RGN: variants seen among roughly 807,000 people sequenced by gnomAD.
RGN encodes epididymis secretory protein Li 41.
A neutral mutation model predicts 20.6 loss-of-function variants in RGN; 19 were observed. The observed-to-expected ratio is 0.92, with a 90% CI of 0.64 to 1.35. RGN has a LOEUF of 1.35. RGN is among the 40% of genes most tolerant of loss of function. RGN has a pLI of 0.00. For missense variants in RGN, 302 were observed against 232.7 expected (o/e 1.30, Z -1.94); for synonymous variants, 85 against 87.2 (o/e 0.97, Z 0.14).
At chrX:47,091,574 A>G in intron 5 of RGN, 104 bp from the exon 6 acceptor site, 1 of 890,619 alleles carries the variant, frequency 1.1e-6, no homozygotes, top group Non-Finnish European at 1.6e-6. Context: ...AGCTGAAGTG[A>G]TCTGTATTTA....
At chrX:47,082,250 G>A (rs1388602620) in intron 3 of RGN, among the ~76,000 whole-genome samples, 1 of 108,144 alleles carries the variant, frequency 9.2e-6, no homozygotes. Flanking sequence ...AAAAATATCA[G>A]GAATTCCTAT....
In RGN at chrX:47,091,740, G is replaced by C. The variant is rs1556387932; in HGVS notation, c.625G>C (p.Asp209His). ...EEQIPDGMCI[D>H]AEGKLWVACY... ...ACAAATCCCAGATGGAATGTGTATT[G>C]ATGCTGAGGGGAAGCTCTGGGTGGC... The change falls in exon 6 of 8, where the codon GAT (aspartate) becomes CAT (histidine). Residue 209 changes from aspartate to histidine, a missense_variant. By Grantham distance (81) the Asp-to-His change is moderately conservative. Transcript: ENST00000397180. 12 of 1,210,163 alleles carry C rather than the reference G, an allele frequency of 9.9e-6. No individual in the cohort carries two copies. The highest frequency in any genetic ancestry group is 1.3e-5 in the Non-Finnish European group (12 of 894,264).
In RGN at chrX:47,086,641, C is replaced by T. The variant is rs1247046124; in HGVS notation, c.346+2041C>T. ...AAAGATCCACTTCCAAGCTCATTCACATAGGGGTTGGCAGGAGGCTTCAGT... is the reference window on the plus strand; with the variant it reads ...AAAGATCCACTTCCAAGCTCATTCATATAGGGGTTGGCAGGAGGCTTCAGT... On this transcript the variant is annotated intron_variant, in intron 4 of 7. Coordinates refer to ENST00000397180, the MANE Select transcript of RGN (RefSeq NM_152869.4). Among the ~76,000 whole-genome samples, 6 of 107,685 alleles carry T rather than the reference C, an allele frequency of 5.6e-5. No homozygotes were observed. In the East Asian group the frequency reaches 1.8e-3, roughly 32 times the overall value. 93.5% of individuals were successfully genotyped at this position (107,685 alleles called of 115,157 possible). A position where few individuals can be genotyped will look rare whatever the true frequency, so the allele number is the denominator to read the frequency against.
chrX:47,089,598 TACAC>T (rs200155890), intron 4 of RGN, among the ~76,000 whole-genome samples, 174 bp from the exon 5 acceptor site: 2,029 of 69,939 alleles, frequency 0.029, 116 homozygotes, highest in African/African-American at 0.11. Context: ...TATATATATA[TACAC>T]ACACACACAC....
intron 4 of RGN, among the ~76,000 whole-genome samples, chrX:47,089,255 G>T (rs1384960918): frequency 1.3e-5 from 1 of 75,461 alleles, no homozygotes. Context: ...GAGAAAATGA[G>T]GTTCGTGCAT....
At chrX:47,091,289 G>A (rs1358009926) in intron 5 of RGN, among the ~76,000 whole-genome samples, 1 of 111,408 alleles carries the variant, frequency 9.0e-6, no homozygotes, top group African/African-American at 3.3e-5. Flanking sequence ...TGTTCACGTG[G>A]TACCATTAAG....
rs1424572834 is a variant in RGN, at chrX:47,090,063, T to C, written c.562+72T>C. 18 of 733,335 alleles carry C rather than the reference T, an allele frequency of 2.5e-5. 1 individual carries two copies. Among genetic ancestry groups the C allele is most frequent in the Non-Finnish European group, 2.2e-5 (11 of 499,063 alleles). The allele number at this position is 733,335 out of a possible 1,213,427, so 60.4% of individuals were successfully genotyped here. ...ATATGTTTGTGACTAGTAAGGCGCCTCTCCCTCGCCTCATGTGAAGAAGTC... is the reference window on the plus strand; with the variant it reads ...ATATGTTTGTGACTAGTAAGGCGCCCCTCCCTCGCCTCATGTGAAGAAGTC... On this transcript the variant is annotated intron_variant, in intron 5 of 7. Coordinates refer to ENST00000397180, the MANE Select transcript of RGN (RefSeq NM_152869.4).
At chrX:47,085,970 G>A (rs1402670721) in intron 4 of RGN, among the ~76,000 whole-genome samples, 1 of 112,351 alleles carries the variant, frequency 8.9e-6, no homozygotes, top group African/African-American at 3.2e-5. Context: ...TCCCAGTTTT[G>A]TCAATTGTAC....
chrX:47,089,520 T>C (rs1930805812), intron 4 of RGN, among the ~76,000 whole-genome samples: 1 of 37,633 alleles, frequency 2.7e-5, no homozygotes. Flanking sequence ...TATATACATA[T>C]TATATATACT....
At chrX:47,083,987 G>GTAAA (rs1930469856) in intron 3 of RGN, among the ~76,000 whole-genome samples, 1 of 110,533 alleles carries the variant, frequency 9.0e-6, no homozygotes, top group Non-Finnish European at 1.9e-5. Flanking sequence ...CCTAGTTGCT[G>GTAAA]TAAATAAACT....
intron 3 of RGN, 83 bp downstream of exon 3, chrX:47,081,390 G>A: frequency 1.1e-6 from 1 of 873,889 alleles, no homozygotes; most frequent in South Asian, 2.3e-5. Flanking sequence ...TCTTGTTAAA[G>A]CACACTGACT....
chrX:47,090,919 AG>A (rs1930939574), intron 5 of RGN, among the ~76,000 whole-genome samples: 1 of 9,873 alleles, frequency 1.0e-4, no homozygotes, highest in African/African-American at 3.2e-4. Flanking sequence ...GAAGAAGGAA[AG>A]AAAGAAAGAA....
Position 47,092,958 on chromosome X carries a change from T to C in RGN, c.*11T>C. ...TCCTATGCGGGATGAGGACAGGTCT[T>C]CTTTCCTGCCAGAGGGAGCTCTGAA... On this transcript the variant is annotated 3_prime_UTR_variant, in exon 8 of 8. Transcript: ENST00000397180. 1 of 1,184,252 alleles carries C rather than the reference T, an allele frequency of 8.4e-7. No individual in the cohort carries two copies. The highest frequency in any genetic ancestry group is 1.1e-6 in the Non-Finnish European group (1 of 872,627).
chrX:47,089,274 CT>C, intron 4 of RGN, among the ~76,000 whole-genome samples: 1 of 93,535 alleles, frequency 1.1e-5, no homozygotes, highest in East Asian at 3.3e-4. Flanking sequence ...ATGTTTACTC[CT>C]TCTTATCTTG....
At chrX:47,081,623 C>T (rs1447581647) in intron 3 of RGN, among the ~76,000 whole-genome samples, 1 of 110,106 alleles carries the variant, frequency 9.1e-6, no homozygotes, top group African/African-American at 3.3e-5. Flanking sequence ...TCACGGCTCA[C>T]TGCAGCCTTG....
At chrX:47,085,780 C>T (rs1458183706) in intron 4 of RGN, among the ~76,000 whole-genome samples, 1 of 111,620 alleles carries the variant, frequency 9.0e-6, no homozygotes, top group Non-Finnish European at 1.9e-5. Flanking sequence ...CTGCACCTGG[C>T]CTATCTCCAG....
intron 1 of RGN, 118 bp from the exon 2 acceptor site, chrX:47,080,199 A>T (rs1486829827): frequency 8.9e-6 from 1 of 112,412 alleles, no homozygotes; most frequent in African/African-American, 3.2e-5. Flanking sequence ...GGCAGTGTGG[A>T]TCATTCCTGG....
chrX:47,089,913 C>A lies in RGN; in HGVS notation c.484C>A (p.His162Asn). The A allele has an allele frequency of 8.3e-7, 1 of 1,209,044 alleles. No homozygotes were observed. Among genetic ancestry groups the A allele is most frequent in the Non-Finnish European group, 1.1e-6 (1 of 893,983 alleles). ...CAATGGTTTGGATTGGTCGCTAGACCACAAAATCTTCTATTACATTGACAG... is the reference window on the plus strand; with the variant it reads ...CAATGGTTTGGATTGGTCGCTAGACAACAAAATCTTCTATTACATTGACAG... ...ISNGLDWSLD[H>N]KIFYYIDSLS... Residue 162 changes from histidine to asparagine, a missense_variant, in exon 5 of 8, where the codon CAC becomes AAC. By Grantham distance (68) the His-to-Asn change is moderately conservative. Transcript: ENST00000397180.
rs1257124879 is a variant in RGN, at chrX:47,088,722, G to A, written c.347-1054G>A. On this transcript the variant is annotated intron_variant, in intron 4 of 7. Coordinates refer to ENST00000397180, the MANE Select transcript of RGN (RefSeq NM_152869.4). ...CGAGGCAAGTAGATCACTTGAGCTCGGGAGTCTGAGACCAGCCTGGGCAAC... is the reference window on the plus strand; with the variant it reads ...CGAGGCAAGTAGATCACTTGAGCTCAGGAGTCTGAGACCAGCCTGGGCAAC... 1.1e-4 allele frequency among the ~76,000 whole-genome samples: 12 copies of A among 107,734 alleles called. No homozygotes were observed. In the East Asian group the frequency reaches 2.1e-3, roughly 19 times the overall value. The allele number at this position is 107,734 out of a possible 115,157, so 93.6% of individuals were successfully genotyped here. A position where few individuals can be genotyped will look rare whatever the true frequency, so the allele number is the denominator to read the frequency against.
Sources: allele counts gnomAD v4.1 joint callset (sites outside exome capture counted in the v4.1 genomes callset), GRCh38; gene constraint gnomAD v4.1.1; transcripts MANE v1.5; gene names NCBI Gene and HGNC (gene_info 2026-07-23, HGNC 2026-07-21).